NLRP9: variants seen among roughly 807,000 people sequenced by gnomAD.
The protein encoded by NLRP9 is NLR family pyrin domain containing 9.
In NLRP9, 88 loss-of-function variants were observed where a neutral mutation model predicts 83.1. The observed-to-expected ratio is 1.06, with a 90% CI of 0.89 to 1.26. The LOEUF (loss-of-function observed/expected upper bound fraction) is 1.26. NLRP9 is among the 50% of genes most tolerant of loss of function. The pLI is 0.00. For synonymous variants in NLRP9, 521 were observed against 447.6 expected (o/e 1.16, Z -2.07); for missense variants, 1,308 against 1,179.3 (o/e 1.11, Z -1.60).
rs57736610 is a variant in NLRP9 at position 55,737,734 on chromosome 19, T to TAAAAAAAAAA, written c.280+351_280+360dup. The TAAAAAAAAAA allele has an allele frequency of 9.5e-3, 763 of 80,276 alleles. 29 individuals are homozygous for TAAAAAAAAAA. Among genetic ancestry groups the TAAAAAAAAAA allele is most frequent in the Non-Finnish European group, 0.012 (486 of 42,162 alleles). The allele number at this position is 80,276 out of a possible 1,614,324, so 5.0% of individuals were successfully genotyped here. ...GAGCAACATGGCAAGACCCTTTCTCTAAAAAAAAAAAAAAAAAAAAAAAAA... is the reference window on the plus strand; with the variant it reads ...GAGCAACATGGCAAGACCCTTTCTCTAAAAAAAAAAAAAAAAAAAAAAAAAAAAAAAAAAA... On this transcript the variant is annotated intron_variant, in intron 1 of 8. Coordinates refer to ENST00000332836, the MANE Select transcript of NLRP9 (RefSeq NM_176820.4).
In NLRP9 at chr19:55,709,060, TAA is replaced by T. The variant is rs958216336; in HGVS notation, c.2844-18_2844-17del. 3.2e-6 allele frequency: 5 copies of T among 1,549,560 alleles called. No homozygotes were observed. Among genetic ancestry groups the T allele is most frequent in the Non-Finnish European group, 4.3e-6 (5 of 1,157,556 alleles). ...TTTGTGCAGCCTGGGAAAATAGAAA[TAA>T]AGTTTTTTTTTTTGTTTTTCATTTT... On this transcript the variant is annotated splice_polypyrimidine_tract_variant and intron_variant, in intron 8 of 8. Coordinates refer to ENST00000332836, the MANE Select transcript of NLRP9 (RefSeq NM_176820.4).
At position 55,732,395 on chromosome 19, in the gene NLRP9, G is replaced by C. The variant is rs1334960686; in HGVS notation, c.1436C>G (p.Ala479Gly). 6.2e-7 allele frequency: 1 copy of C among 1,614,208 alleles called. No individual in the cohort carries two copies. Among genetic ancestry groups the C allele is most frequent in the Non-Finnish European group, 8.5e-7 (1 of 1,180,040 alleles). ...GAGGGTTTGAGGCTGAACCACACTTGCTCTTACAAGCTGGGTTATGCTTCC... is the reference window on the plus strand; with the variant it reads ...GAGGGTTTGAGGCTGAACCACACTTCCTCTTACAAGCTGGGTTATGCTTCC... The part of the protein sequence containing the change: ...AIGSITQLVR[A>G]SVVQPQTLLT... The change falls in exon 2 of 9, where the codon GCA (alanine) becomes GGA (glycine). Residue 479 changes from alanine to glycine, a missense_variant. Coordinates refer to ENST00000332836, the MANE Select transcript of NLRP9 (RefSeq NM_176820.4).
intron 1 of NLRP9, among the ~76,000 whole-genome samples, chr19:55,734,815 C>T (rs943851220): frequency 1.3e-5 from 2 of 151,608 alleles, no homozygotes; most frequent in Non-Finnish European, 2.9e-5. Context: ...TTGTATTTTT[C>T]GTAGATACAG....
chr19:55,734,564 T>G (rs1408282896), intron 1 of NLRP9, among the ~76,000 whole-genome samples: 1 of 148,060 alleles, frequency 6.8e-6, no homozygotes, highest in Non-Finnish European at 1.5e-5. Context: ...CACACACATA[T>G]ATACACACAT....
In NLRP9 at chr19:55,716,734, C is replaced by G. The variant is rs766083943; in HGVS notation, c.2324G>C (p.Arg775Thr). Residue 775 changes from arginine to threonine, a missense_variant, in exon 5 of 9, where the codon AGG (arginine) becomes ACG (threonine). Coordinates refer to ENST00000332836, the MANE Select transcript of NLRP9 (RefSeq NM_176820.4). ...TTCCCGCAGACCAACTTACATCAGC[C>G]TCTCCAGGGCACAGTGTGAGTGCTT... Reference protein sequence around the residue: ...ALKHSHCALERLMLMYCCLTS... With the variant: ...ALKHSHCALETLMLMYCCLTS... 1.9e-6 allele frequency: 3 copies of G among 1,613,288 alleles called. No individual in the cohort carries two copies. The South Asian group carries it at 3.3e-5, about 18-fold the overall frequency.
chr19:55,732,850 A>C lies in NLRP9; in HGVS notation c.981T>G (p.Asn327Lys). ...TATGGCACAAGATAAACAGCGGCCC[A>C]TTATCTCTCACAAAATTGAAGACTT... is the stretch of plus-strand genomic sequence containing the variant. The part of the protein sequence containing the change: ...ALKVFNFVRD[N>K]GPLFILCHNP... Residue 327 changes from asparagine (N) to lysine (K), a missense_variant, in exon 2 of 9, where the codon AAT becomes AAG. Physicochemically the swap from Asn to Lys is moderately conservative, Grantham distance 94. Coordinates refer to ENST00000332836, the MANE Select transcript of NLRP9 (RefSeq NM_176820.4). 1.2e-6 allele frequency: 2 copies of C among 1,614,160 alleles called. No individual in the cohort carries two copies. The highest frequency in any genetic ancestry group is 1.7e-6 in the Non-Finnish European group (2 of 1,179,998).
chr19:55,737,778 C>G (rs1988824875), intron 1 of NLRP9, among the ~76,000 whole-genome samples: 1 of 138,528 alleles, frequency 7.2e-6, no homozygotes, highest in African/African-American at 2.7e-5. Context: ...AACTACCATA[C>G]TAGAATTCCA....
chr19:55,727,437 A>G (rs574306782), intron 3 of NLRP9, among the ~76,000 whole-genome samples: 53 of 152,294 alleles, frequency 3.5e-4, no homozygotes, highest in African/African-American at 1.3e-3. Context: ...GTGAAAATCA[A>G]TGACTTCTTG....
Position 55,738,183 on chromosome 19 carries a change from T to C in NLRP9, c.192A>G (p.Pro64=). The C allele has an allele frequency of 5.6e-6, 9 of 1,614,172 alleles. No homozygotes were observed. Among genetic ancestry groups the C allele is most frequent in the Non-Finnish European group, 6.8e-6 (8 of 1,180,008 alleles). The stretch of plus-strand genomic sequence containing the variant: ...GTGTTACCTCCCATGCCTGCTTTCC[T>C]GGGTAATGTTTGTCCAGCAGCTTTG... ...DVAKLLDKHY[P]GKQAWEVTLN... The change falls in exon 1 of 9, where the codon CCA becomes CCG. Residue 64 remains proline, a synonymous_variant. Coordinates refer to ENST00000332836, the MANE Select transcript of NLRP9 (RefSeq NM_176820.4).
chr19:55,728,428 C>T (rs1405208418), intron 3 of NLRP9, among the ~76,000 whole-genome samples: 1 of 152,078 alleles, frequency 6.6e-6, no homozygotes, highest in Admixed American at 6.6e-5. Context: ...AAAAACTAGC[C>T]AGGCGTCGTG....
intron 4 of NLRP9, among the ~76,000 whole-genome samples, chr19:55,723,497 C>T (rs954967845): frequency 2.0e-5 from 3 of 151,912 alleles, no homozygotes; most frequent in African/African-American, 7.3e-5. Context: ...GAGGTCAAGG[C>T]GGGCAGATTG....
Position 55,729,822 on chromosome 19 carries a change from A to T in NLRP9, c.1994+9T>A. 3 of 1,607,562 alleles carry T rather than the reference A, an allele frequency of 1.9e-6. No individual in the cohort carries two copies. Among genetic ancestry groups the T allele is most frequent in the Non-Finnish European group, 2.5e-6 (3 of 1,177,038 alleles). On this transcript the variant is annotated intron_variant, in intron 3 of 8. Transcript: ENST00000332836. Reference sequence around the variant, plus strand: ...ATTTGCTTAAAGGACAGGTTAACATAAAACTTACATGAGTTTTCGGAGTTT... The same window carrying T: ...ATTTGCTTAAAGGACAGGTTAACATTAAACTTACATGAGTTTTCGGAGTTT...
At chr19:55,734,638 T>TA (rs1491408593) in intron 1 of NLRP9, among the ~76,000 whole-genome samples, 1,142 of 24,244 alleles carry the variant, frequency 0.047, 13 homozygotes, top group South Asian at 0.11. Flanking sequence ...TATATATATA[T>TA]TTTTTTTTTT....
At position 55,733,230 on chromosome 19, in the gene NLRP9, G is replaced by T; in HGVS notation, c.601C>A (p.Leu201Ile). Residue 201 changes from leucine (L) to isoleucine (I), a missense_variant, in exon 2 of 9, where the codon CTC becomes ATC. Coordinates refer to ENST00000332836, the MANE Select transcript of NLRP9 (RefSeq NM_176820.4). ...NGIAETSLLELLSRDWPESSE... is the reference protein window; with the variant it reads ...NGIAETSLLEILSRDWPESSE... ...GACTCCGGCCAGTCCCTAGAGAGGA[G>T]CTCCAGTAAGCTGGTCTCTGCGATA... The T allele has an allele frequency of 6.2e-7, 1 of 1,613,658 alleles. No homozygotes were observed.
chr19:55,720,095 T>C (rs963610650), intron 4 of NLRP9, among the ~76,000 whole-genome samples: 1 of 152,222 alleles, frequency 6.6e-6, no homozygotes, highest in Non-Finnish European at 1.5e-5. Context: ...ATTTTTGGTC[T>C]CAAATACACC....
At chr19:55,724,282 A>G in intron 3 of NLRP9, 138 bp from the exon 4 acceptor site, 2 of 603,078 alleles carry the variant, frequency 3.3e-6, no homozygotes, top group Admixed American at 3.1e-5. Flanking sequence ...TCCTGCCAGT[A>G]AATTATTTCT....
At chr19:55,722,272 T>A (rs1298648352) in intron 4 of NLRP9, among the ~76,000 whole-genome samples, 1 of 152,168 alleles carries the variant, frequency 6.6e-6, no homozygotes, top group Non-Finnish European at 1.5e-5. Flanking sequence ...GTATAATAGA[T>A]AAAACCCTAT....
At chr19:55,716,668 G>A (rs1017842449) in intron 5 of NLRP9, 60 bp downstream of exon 5, 9 of 1,411,866 alleles carry the variant, frequency 6.4e-6, no homozygotes, top group African/African-American at 1.4e-5. Context: ...CTTTGATAAT[G>A]GGTGGATCCA....
intron 6 of NLRP9, 102 bp from the exon 7 acceptor site, chr19:55,712,692 A>C (rs1987787322): frequency 1.0e-6 from 1 of 955,070 alleles, no homozygotes. Context: ...TACCCAAGTA[A>C]ATCTGAGATG....
Sources: gnomAD v4.1 joint callset for allele counts (sites outside exome capture counted in the v4.1 genomes callset) on GRCh38, gnomAD v4.1.1 for gene constraint, MANE v1.5 for transcripts, NCBI Gene and HGNC (gene_info 2026-07-23, HGNC 2026-07-21) for gene names.